The following DNAH1 variants were observed in gnomAD, a reference collection of about 807,000 sequenced individuals.
The protein encoded by DNAH1 is dynein axonemal heavy chain 1.
DNAH1 carries 327 observed loss-of-function variants against 484.3 expected under a neutral mutation model. That is an observed-to-expected ratio of 0.68 (90% confidence interval 0.62 to 0.74). The LOEUF (loss-of-function observed/expected upper bound fraction) is 0.74. DNAH1 is among the 30% of genes least tolerant of loss of function. The pLI is 0.00. For synonymous variants in DNAH1, 2,192 were observed against 2,191.9 expected, an observed-to-expected ratio of 1.00 and a Z score of 0.00; for missense variants, 5,052 against 5,546.8, an observed-to-expected ratio of 0.91 and a Z score of 2.83.
At position 52,355,345 on chromosome 3, in the gene DNAH1, G is replaced by A. The variant is rs1456782907; in HGVS notation, c.3693+290G>A. On this transcript the variant is annotated intron_variant, in intron 21 of 77. Coordinates refer to ENST00000420323, the MANE Select transcript of DNAH1 (RefSeq NM_015512.5). This position sits in a 1 kb window ranked among gnomAD's most constrained non-coding sequence, Gnocchi z 4.5. The stretch of plus-strand genomic sequence containing the variant: ...AGGATAGGCCTGAGAACTGCCAGGC[G>A]GCCTCCCCAGGGCTGCCTGAGCTTG... Among the ~76,000 whole-genome samples the A allele has an allele frequency of 6.6e-6, 1 of 152,204 alleles. No individual in the cohort carries two copies. The highest frequency in any genetic ancestry group is 1.9e-4 in the East Asian group (1 of 5,198).
chr3:52,382,241 G>T (rs934093252), intron 49 of DNAH1, 79 bp from the exon 50 acceptor site: 17 of 1,608,586 alleles, frequency 1.1e-5, no homozygotes, highest in Non-Finnish European at 1.4e-5. Flanking sequence ...GGTGGTCAGG[G>T]TAGGGTGTGG....
intron 8 of DNAH1, among the ~76,000 whole-genome samples, chr3:52,341,182 T>C (rs998531298): frequency 6.6e-6 from 1 of 152,178 alleles, no homozygotes; most frequent in African/African-American, 2.4e-5. Context: ...GGAAAACCAA[T>C]GCAGGACGCC....
In DNAH1 at chr3:52,361,823, C is replaced by T. The variant is rs1027859602; in HGVS notation, c.4980+57C>T. On this transcript the variant is annotated intron_variant, in intron 30 of 77. Transcript: ENST00000420323. The surrounding 1 kb of genome is among the most constrained non-coding windows in gnomAD (Gnocchi z 5.6). ...GATCTGCCATACTCACGCCGCCATA[C>T]TGCTCCCCATTGCAGGCTGAGAAGC... 3 of 1,521,946 alleles carry T rather than the reference C, an allele frequency of 2.0e-6. No individual in the cohort carries two copies. Among genetic ancestry groups the T allele is most frequent in the South Asian group, 2.4e-5 (2 of 83,222 alleles). The allele number at this position is 1,521,946 out of a possible 1,614,324, so 94.3% of individuals were successfully genotyped here.
At chr3:52,325,695 G>T (rs1381200654) in intron 3 of DNAH1, among the ~76,000 whole-genome samples, 1 of 152,188 alleles carries the variant, frequency 6.6e-6, no homozygotes, top group African/African-American at 2.4e-5. Flanking sequence ...TATCCAGGAT[G>T]CCTCAAGCTG....
At position 52,392,458 on chromosome 3, in the gene DNAH1, C is replaced by A; in HGVS notation, c.10053-6C>A. ...TTACAGACTTGGTGTCCCCTGCCCC[C>A]GGCAGTGGCCTAGAGGACCAGCTAC... On this transcript the variant is annotated splice_polypyrimidine_tract_variant and splice_region_variant and intron_variant, in intron 63 of 77. Coordinates refer to ENST00000420323, the MANE Select transcript of DNAH1 (RefSeq NM_015512.5). The A allele has an allele frequency of 1.2e-6, 2 of 1,612,982 alleles. No individual in the cohort carries two copies. Among genetic ancestry groups the A allele is most frequent in the Non-Finnish European group, 1.7e-6 (2 of 1,179,702 alleles).
intron 45 of DNAH1, among the ~76,000 whole-genome samples, 186 bp from the exon 46 acceptor site, chr3:52,375,769 G>C (rs565902583): frequency 1.3e-5 from 2 of 152,172 alleles, no homozygotes; most frequent in Non-Finnish European, 2.9e-5. Flanking sequence ...CTCTGGGGAA[G>C]GCATGTTACT....
intron 44 of DNAH1, among the ~76,000 whole-genome samples, 180 bp downstream of exon 44, chr3:52,373,233 A>ACGGCTG (rs560356257): frequency 0.022 from 3,355 of 152,118 alleles, 131 homozygotes; most frequent in African/African-American, 0.075. Context: ...CGCCGCCGCC[A>ACGGCTG]CGGCTGCCGC....
chr3:52,344,548 A>C lies in DNAH1; in HGVS notation c.1345A>C (p.Met449Leu), dbSNP rs759475295. The part of the protein sequence containing the change: ...REVSLDYERS[M>L]NKINFDHVVS... ...AGTGAGCCTGGACTATGAGCGCAGC[A>C]TGAACAAGATCAACTTTGACCACGT... The change falls in exon 9 of 78, where the codon ATG becomes CTG. Residue 449 changes from methionine (M) to leucine (L), a missense_variant. By Grantham distance (15) the Met-to-Leu change is conservative. This residue lies in a region of DNAH1 where 1,263 missense variants were observed against 1,218.8 expected (regional missense o/e 1.04). Transcript: ENST00000420323. 23 of 1,613,930 alleles carry C rather than the reference A, an allele frequency of 1.4e-5. No individual in the cohort carries two copies. The highest frequency in any genetic ancestry group is 1.7e-5 in the Non-Finnish European group (20 of 1,179,880).
At chr3:52,345,851 C>T in intron 10 of DNAH1, 145 bp downstream of exon 10, 1 of 850,924 alleles carries the variant, frequency 1.2e-6, no homozygotes, top group Admixed American at 2.6e-5. Context: ...AACCTGGCCT[C>T]AGCCTCTTCC....
chr3:52,379,117 G>A lies in DNAH1; in HGVS notation c.7377+337G>A, dbSNP rs1038869183. On this transcript the variant is annotated intron_variant, in intron 47 of 77. Transcript: ENST00000420323. The surrounding 1 kb of genome is among the most constrained non-coding windows in gnomAD (Gnocchi z 4.4). ...GAACCAAAAACCCCAGGTGGAAGGA[G>A]GGGGAAGTGTAGCAGGGAGCCAGGT... Among the ~76,000 whole-genome samples, 1 of 152,222 alleles carries A rather than the reference G, an allele frequency of 6.6e-6. No individual in the cohort carries two copies. Among genetic ancestry groups the A allele is most frequent in the Non-Finnish European group, 1.5e-5 (1 of 68,040 alleles).
In DNAH1 at chr3:52,361,805, C is replaced by T; in HGVS notation, c.4980+39C>T. The T allele has an allele frequency of 6.4e-7, 1 of 1,552,828 alleles. No homozygotes were observed. The highest frequency in any genetic ancestry group is 8.7e-7 in the Non-Finnish European group (1 of 1,146,266). On this transcript the variant is annotated intron_variant, in intron 30 of 77. Coordinates refer to ENST00000420323, the MANE Select transcript of DNAH1 (RefSeq NM_015512.5). This position sits in a 1 kb window ranked among gnomAD's most constrained non-coding sequence, Gnocchi z 5.6. ...ACCCACCTTACTCCCTCAGATCTGC[C>T]ATACTCACGCCGCCATACTGCTCCC...
At position 52,384,875 on chromosome 3, in the gene DNAH1, C is replaced by T; in HGVS notation, c.8412C>T (p.Pro2804=). 1 of 1,613,316 alleles carries T rather than the reference C, an allele frequency of 6.2e-7. No individual in the cohort carries two copies. Among genetic ancestry groups the T allele is most frequent in the Non-Finnish European group, 8.5e-7 (1 of 1,179,582 alleles). ...AELTRHNYVT[P]KSYLELLHIF... ...TGACCCGCCACAACTATGTGACCCCCAAGAGCTACTTGGAGCTGCTTCATA... is the reference window on the plus strand; with the variant it reads ...TGACCCGCCACAACTATGTGACCCCTAAGAGCTACTTGGAGCTGCTTCATA... Residue 2804 remains proline (P), a synonymous_variant, in exon 53 of 78, where the codon CCC becomes CCT. Transcript: ENST00000420323.
At chr3:52,326,630 C>T (rs145450456) in intron 4 of DNAH1, 105 bp from the exon 5 acceptor site, 75 of 1,394,138 alleles carry the variant, frequency 5.4e-5, no homozygotes, top group East Asian at 5.2e-4. Context: ...AGGGGTCTCT[C>T]GGCCACACCC....
Position 52,361,138 on chromosome 3 carries a change from G to A in DNAH1, c.4686-26G>A, listed in dbSNP as rs773151823. 14 of 1,521,156 alleles carry A rather than the reference G, an allele frequency of 9.2e-6. No homozygotes were observed. The highest frequency in any genetic ancestry group is 4.2e-5 in the African/African-American group (3 of 71,538). The allele number at this position is 1,521,156 out of a possible 1,614,324, so 94.2% of individuals were successfully genotyped here. A position where few individuals can be genotyped will look rare whatever the true frequency, so the allele number is the denominator to read the frequency against. On this transcript the variant is annotated intron_variant, in intron 28 of 77. Coordinates refer to ENST00000420323, the MANE Select transcript of DNAH1 (RefSeq NM_015512.5). The surrounding 1 kb of genome is among the most constrained non-coding windows in gnomAD (Gnocchi z 5.6). ...GGAGTGTCCAGGCCATGTGCGGCCC[G>A]AGCCCACCTCCTCTGTCTCCTGCAG...
intron 60 of DNAH1, 63 bp downstream of exon 60, chr3:52,389,649 G>T: frequency 4.7e-6 from 6 of 1,285,930 alleles, no homozygotes; most frequent in Non-Finnish European, 5.9e-6. Flanking sequence ...GCTGGGCCAG[G>T]AGCCTTCTGC....
chr3:52,346,359 A>G (rs1702140073), intron 10 of DNAH1, 113 bp from the exon 11 acceptor site: 1 of 1,124,308 alleles, frequency 8.9e-7, no homozygotes, highest in Non-Finnish European at 1.2e-6. Flanking sequence ...ATCCCTCCAC[A>G]GTCAGATGAG....
chr3:52,352,603 A>T lies in DNAH1; in HGVS notation c.2923A>T (p.Ile975Phe). The T allele has an allele frequency of 6.2e-7, 1 of 1,612,576 alleles. No homozygotes were observed. Among genetic ancestry groups the T allele is most frequent in the Non-Finnish European group, 8.5e-7 (1 of 1,179,582 alleles). ...TGTGGAGATTTCACGTGCACACGAG[A>T]TCGCCAACGAGGTGCGGCGTGTCAA... ...IHVEISRAHEIANEVRRVKKQ... is the reference protein window; with the variant it reads ...IHVEISRAHEFANEVRRVKKQ... Residue 975 changes from isoleucine to phenylalanine, a missense_variant, in exon 18 of 78, where the codon ATC becomes TTC. Ile to Phe is a conservative substitution (Grantham distance 21). Around this residue, in one of 4 missense-constraint regions of DNAH1, gnomAD observed 2,929 missense variants for 3,409.4 expected, o/e 0.86. Coordinates refer to ENST00000420323, the MANE Select transcript of DNAH1 (RefSeq NM_015512.5).
chr3:52,359,123 G>T, intron 25 of DNAH1, 123 bp from the exon 26 acceptor site: 2 of 1,373,980 alleles, frequency 1.5e-6, no homozygotes, highest in East Asian at 2.5e-5. Flanking sequence ...TGAAGGGACT[G>T]GTGGCATCAA....
Position 52,388,180 on chromosome 3 carries a change from A to C in DNAH1, c.9017A>C (p.Asp3006Ala). ...TTCCCACCTCAGGACAACATTGGGG[A>C]TGTGGTGATCAAAGCCATCCAGCCG... ...LFKFDKDNIG[D>A]VVIKAIQPYI... The change falls in exon 57 of 78, where the codon GAT (aspartate) becomes GCT (alanine). Residue 3006 changes from aspartate (D) to alanine (A), a missense_variant. Physicochemically the swap from Asp to Ala is moderately radical, Grantham distance 126. Coordinates refer to ENST00000420323, the MANE Select transcript of DNAH1 (RefSeq NM_015512.5). 1 of 1,609,434 alleles carries C rather than the reference A, an allele frequency of 6.2e-7. No individual in the cohort carries two copies. The highest frequency in any genetic ancestry group is 8.5e-7 in the Non-Finnish European group (1 of 1,178,086).
Sources: gnomAD v4.1 joint callset for allele counts (sites outside exome capture counted in the v4.1 genomes callset) on GRCh38, gnomAD v4.1.1 for gene constraint, gnomAD v4.1.1 regional missense constraint, Gnocchi (gnomAD v3.1) non-coding constraint, MANE v1.5 for transcripts, NCBI Gene and HGNC (gene_info 2026-07-23, HGNC 2026-07-21) for gene names.